Variants in PRRC1 observed in about 807,000 individuals in gnomAD.
PRRC1 encodes protein PRRC1.
PRRC1 carries 39 observed loss-of-function variants against 40.7 expected under a neutral mutation model. The ratio of observed to expected loss-of-function variants is 0.96; its 90% CI spans 0.74 to 1.25. The LOEUF (loss-of-function observed/expected upper bound fraction) is 1.25. Ranked by LOEUF, PRRC1 falls within the 50% of genes most tolerant of loss-of-function variation. PRRC1 has a pLI of 0.00. For missense variants in PRRC1, 573 were observed against 548.3 expected, an observed-to-expected ratio of 1.05 and a Z score of -0.45; for synonymous variants, 175 against 193.3, an observed-to-expected ratio of 0.91 and a Z score of 0.79.
intron 1 of PRRC1, among the ~76,000 whole-genome samples, chr5:127,520,413 T>C (rs1416861984): frequency 2.0e-5 from 3 of 152,238 alleles, no homozygotes; most frequent in Non-Finnish European, 2.9e-5. Context: ...TATGAATTGC[T>C]AATAACTGGA....
intron 7 of PRRC1, among the ~76,000 whole-genome samples, chr5:127,544,359 C>T (rs975354843): frequency 2.7e-4 from 41 of 152,312 alleles, no homozygotes; most frequent in African/African-American, 9.9e-4. Flanking sequence ...GCAGTCTGCC[C>T]GTTCTCAGAT....
chr5:127,553,867 G>A lies in PRRC1; in HGVS notation c.*1951G>A. 1 of 1,535,698 alleles carries A rather than the reference G, an allele frequency of 6.5e-7. No homozygotes were observed. Among genetic ancestry groups the A allele is most frequent in the East Asian group, 2.4e-5 (1 of 40,904 alleles). On this transcript the variant is annotated 3_prime_UTR_variant, in exon 9 of 9. Transcript: ENST00000296666. The stretch of plus-strand genomic sequence containing the variant: ...CTTGGTTGAAGCTAGAAATTTTCCT[G>A]CCCCTGGTGACCTGGTAAGCCTCCT...
chr5:127,533,350 C>A (rs887570700), intron 5 of PRRC1, among the ~76,000 whole-genome samples: 2 of 152,040 alleles, frequency 1.3e-5, no homozygotes, highest in African/African-American at 4.8e-5. Context: ...ATGTAACTTA[C>A]ACTTCACAAG....
In PRRC1 at chr5:127,551,724, C is replaced by T. The variant is rs770654096; in HGVS notation, c.1146C>T (p.Pro382=). The T allele has an allele frequency of 1.2e-6, 2 of 1,614,010 alleles. No individual in the cohort carries two copies. The highest frequency in any genetic ancestry group is 8.5e-7 in the Non-Finnish European group (1 of 1,179,968). Residue 382 remains proline, a synonymous_variant, in exon 9 of 9, where the codon CCC becomes CCT. Transcript: ENST00000296666. ...TTCCACAGGCTCAAAGTCTAACTCC[C>T]CAGGACTATAATCTGAGGTGGTCAG... ...EFVQQAQSLT[P]QDYNLRWSGL...
intron 6 of PRRC1, among the ~76,000 whole-genome samples, chr5:127,537,713 A>T (rs1397816303): frequency 6.6e-6 from 1 of 151,962 alleles, no homozygotes; most frequent in Non-Finnish European, 1.5e-5. Context: ...ATCTCTGTAC[A>T]TCTTACTAAT....
At chr5:127,535,343 C>T (rs891859147) in intron 6 of PRRC1, among the ~76,000 whole-genome samples, 1 of 152,108 alleles carries the variant, frequency 6.6e-6, no homozygotes, top group Non-Finnish European at 1.5e-5. Flanking sequence ...TCCAGCACTA[C>T]ACTTGGGGGC....
intron 7 of PRRC1, among the ~76,000 whole-genome samples, chr5:127,543,625 A>G (rs1325514521): frequency 6.6e-6 from 1 of 151,838 alleles, no homozygotes; most frequent in South Asian, 2.1e-4. Flanking sequence ...CATTCATTTC[A>G]TCTTCCATCA....
rs142759273 is a variant in PRRC1 at position 127,529,752 on chromosome 5, T to A, written c.655-542T>A. Among the ~76,000 whole-genome samples the A allele has an allele frequency of 6.7e-3, 1,022 of 152,226 alleles. 5 individuals are homozygous for A. Among genetic ancestry groups the A allele is most frequent in the African/African-American group, 0.024 (985 of 41,528 alleles). On this transcript the variant is annotated intron_variant, in intron 4 of 8. Coordinates refer to ENST00000296666, the MANE Select transcript of PRRC1 (RefSeq NM_130809.5). ...AATATAAATGGCGAGTTTGGGAATG[T>A]ACAAAACAAGAAACAAGAAGTAGGA...
chr5:127,547,305 A>C (rs17839684), intron 7 of PRRC1, among the ~76,000 whole-genome samples: 3,002 of 152,234 alleles, frequency 0.02, 104 homozygotes, highest in African/African-American at 0.069. Flanking sequence ...CTCATTGTGA[A>C]TAATTCAGAA....
rs1014138754 is a variant in PRRC1 at position 127,552,183 on chromosome 5, T to C, written c.*267T>C. 14 of 1,191,182 alleles carry C rather than the reference T, an allele frequency of 1.2e-5. No individual in the cohort carries two copies. Among genetic ancestry groups the C allele is most frequent in the Admixed American group, 4.1e-5 (1 of 24,494 alleles). 73.8% of individuals were successfully genotyped at this position (1,191,182 alleles called of 1,614,324 possible). A position where few individuals can be genotyped will look rare whatever the true frequency, so the allele number is the denominator to read the frequency against. Reference sequence around the variant, plus strand: ...AATCTATTTACAGCACAATTTAATATACCAGATTTATAAGGTGGAAATTCA... The same window carrying C: ...AATCTATTTACAGCACAATTTAATACACCAGATTTATAAGGTGGAAATTCA... On this transcript the variant is annotated 3_prime_UTR_variant, in exon 9 of 9. Transcript: ENST00000296666.
rs1470228975 is a variant in PRRC1, at chr5:127,546,897, TTTTTAA to T, written c.1026-915_1026-910del. On this transcript the variant is annotated intron_variant, in intron 7 of 8. Coordinates refer to ENST00000296666, the MANE Select transcript of PRRC1 (RefSeq NM_130809.5). ...ATAAAATAAATGTCATTATTTAATG[TTTTTAA>T]TTTTAAAGTTTTAGGATATGAACAC... is the stretch of plus-strand genomic sequence containing the variant. Among the ~76,000 whole-genome samples the T allele has an allele frequency of 3.9e-5, 6 of 152,320 alleles. No homozygotes were observed. The East Asian group carries it at 1.2e-3, about 29-fold the overall frequency.
intron 7 of PRRC1, among the ~76,000 whole-genome samples, chr5:127,546,534 A>G (rs1455525618): frequency 1.3e-5 from 2 of 152,194 alleles, no homozygotes; most frequent in East Asian, 1.9e-4. Context: ...CCTTTCCTCT[A>G]TAATAATATA....
intron 7 of PRRC1, among the ~76,000 whole-genome samples, chr5:127,543,762 T>G (rs1384839223): frequency 6.6e-6 from 1 of 152,348 alleles, no homozygotes; most frequent in East Asian, 1.9e-4. Context: ...GTTATTCTAG[T>G]TATACATTCG....
At chr5:127,529,845 C>G (rs1336917605) in intron 4 of PRRC1, among the ~76,000 whole-genome samples, 1 of 152,104 alleles carries the variant, frequency 6.6e-6, no homozygotes, top group Admixed American at 6.6e-5. Context: ...GTTCTGCCCC[C>G]AGACGAGAGG....
intron 3 of PRRC1, among the ~76,000 whole-genome samples, chr5:127,525,920 GT>G (rs1159241245): frequency 6.6e-6 from 1 of 152,066 alleles, no homozygotes; most frequent in Non-Finnish European, 1.5e-5. Flanking sequence ...AGGGAGTAGT[GT>G]TTTTTTAGCC....
chr5:127,539,268 T>G, intron 7 of PRRC1, 125 bp downstream of exon 7: 1 of 657,388 alleles, frequency 1.5e-6, no homozygotes, highest in South Asian at 1.9e-5. Flanking sequence ...ATGCTGGCTA[T>G]ATCACTTAAC....
At chr5:127,528,093 C>T (rs536265813) in intron 4 of PRRC1, among the ~76,000 whole-genome samples, 45 of 152,174 alleles carry the variant, frequency 3.0e-4, no homozygotes, top group Admixed American at 2.2e-3. Context: ...TGTGAAATAT[C>T]GGTTATGTTC....
At chr5:127,537,566 T>C (rs1476542816) in intron 6 of PRRC1, among the ~76,000 whole-genome samples, 1 of 151,930 alleles carries the variant, frequency 6.6e-6, no homozygotes, top group Non-Finnish European at 1.5e-5. Flanking sequence ...TTGTGAATCC[T>C]GTGAAATATA....
intron 4 of PRRC1, among the ~76,000 whole-genome samples, chr5:127,530,068 A>G (rs1767726558): frequency 6.6e-6 from 1 of 152,118 alleles, no homozygotes; most frequent in Non-Finnish European, 1.5e-5. Flanking sequence ...TCAAAGCGTG[A>G]TCTGTAGATT....
Sources: gnomAD v4.1 joint callset for allele counts (sites outside exome capture counted in the v4.1 genomes callset) on GRCh38, gnomAD v4.1.1 for gene constraint, MANE v1.5 for transcripts, NCBI Gene and HGNC (gene_info 2026-07-23, HGNC 2026-07-21) for gene names.